B4GALNT1: variants seen among roughly 807,000 people sequenced by gnomAD.
B4GALNT1 encodes beta-1,4-N-acetyl-galactosaminyltransferase 1, also known as beta-1,4 N-acetylgalactosaminyltransferase 1.
In B4GALNT1, 43 loss-of-function variants were observed where a neutral mutation model predicts 55.2. The ratio of observed to expected loss-of-function variants is 0.78; its 90% CI spans 0.61 to 1.00. The LOEUF is 1.00. Ranked by LOEUF, B4GALNT1 falls within the 50% of genes least tolerant of loss-of-function variation. B4GALNT1 has a pLI of 0.00. For synonymous variants in B4GALNT1, 305 were observed against 311.6 expected (o/e 0.98, Z 0.22); for missense variants, 664 against 729.7 (o/e 0.91, Z 1.04).
intron 9 of B4GALNT1, 36 bp from the exon 10 acceptor site, chr12:57,627,894 G>A (rs1481200892): frequency 6.5e-7 from 1 of 1,533,870 alleles, no homozygotes; most frequent in Non-Finnish European, 8.8e-7. Flanking sequence ...AGGCGGGCCT[G>A]GGATAGGGGA....
chr12:57,625,281 C>T lies in B4GALNT1; in HGVS notation c.*1463G>A. 1.2e-6 allele frequency: 2 copies of T among 1,614,038 alleles called. No homozygotes were observed. Among genetic ancestry groups the T allele is most frequent in the Non-Finnish European group, 1.7e-6 (2 of 1,179,992 alleles). ...GTGGTCCTAGACTTCAGTGGTGTCACCTTTGCAGATGCTGCTGGGGCCAGA... is the reference window on the plus strand; with the variant it reads ...GTGGTCCTAGACTTCAGTGGTGTCATCTTTGCAGATGCTGCTGGGGCCAGA... On this transcript the variant is annotated 3_prime_UTR_variant, in exon 11 of 11. Coordinates refer to ENST00000341156, the MANE Select transcript of B4GALNT1 (RefSeq NM_001478.5).
At chr12:57,629,999 C>T in intron 6 of B4GALNT1, 153 bp downstream of exon 6, 2 of 1,546,794 alleles carry the variant, frequency 1.3e-6, no homozygotes, top group East Asian at 4.8e-5. Flanking sequence ...CTCCCTCTGG[C>T]CCTGCTGGTC....
chr12:57,628,336 C>T (rs2140244951), intron 8 of B4GALNT1, 74 bp from the exon 9 acceptor site: 1 of 1,593,206 alleles, frequency 6.3e-7, no homozygotes, highest in Non-Finnish European at 8.6e-7. Flanking sequence ...TCTTTCTCTC[C>T]CCCGACCCTT....
Position 57,629,033 on chromosome 12 carries a change from C to A in B4GALNT1, c.811+15G>T. ...AAGGCTGGTTCTAATATGTCCCTGC[C>A]CCTACCAGCCTCACCTCCCTGGGGT... On this transcript the variant is annotated intron_variant, in intron 7 of 10. Transcript: ENST00000341156. The A allele has an allele frequency of 3.8e-6, 6 of 1,583,714 alleles. No homozygotes were observed. The highest frequency in any genetic ancestry group is 4.3e-6 in the Non-Finnish European group (5 of 1,160,398).
intron 3 of B4GALNT1, 32 bp downstream of exon 3, chr12:57,631,168 T>G (rs769594372): frequency 6.2e-7 from 1 of 1,613,796 alleles, no homozygotes; most frequent in Non-Finnish European, 8.5e-7. Flanking sequence ...GCTCTCCCCC[T>G]GAGGAGTCAT....
Position 57,625,106 on chromosome 12 carries a change from C to T in B4GALNT1, c.*1638G>A. ...TGCTGTGTTTCGGGAGTGGTGACTG[C>T]CCTTCTTTACTTATAGGAGACTTCA... is the stretch of plus-strand genomic sequence containing the variant. On this transcript the variant is annotated 3_prime_UTR_variant, in exon 11 of 11. Coordinates refer to ENST00000341156, the MANE Select transcript of B4GALNT1 (RefSeq NM_001478.5). The T allele has an allele frequency of 6.2e-7, 1 of 1,614,012 alleles. No individual in the cohort carries two copies. The highest frequency in any genetic ancestry group is 8.5e-7 in the Non-Finnish European group (1 of 1,179,944).
In B4GALNT1 at chr12:57,624,191, A is replaced by T. The variant is rs1884648507; in HGVS notation, c.*2553T>A. ...ACCAAACCTAATTGTCCTGGTCTTAAGTTCTGCAACCCACCCACTCCCCCA... is the reference window on the plus strand; with the variant it reads ...ACCAAACCTAATTGTCCTGGTCTTATGTTCTGCAACCCACCCACTCCCCCA... On this transcript the variant is annotated 3_prime_UTR_variant, in exon 11 of 11. Transcript: ENST00000341156. 8.0e-7 allele frequency: 1 copy of T among 1,254,000 alleles called. No individual in the cohort carries two copies. Among genetic ancestry groups the T allele is most frequent in the Non-Finnish European group, 1.1e-6 (1 of 885,550 alleles). 77.7% of individuals were successfully genotyped at this position (1,254,000 alleles called of 1,614,324 possible). A position where few individuals can be genotyped will look rare whatever the true frequency, so the allele number is the denominator to read the frequency against.
intron 3 of B4GALNT1, 36 bp from the exon 4 acceptor site, chr12:57,631,122 G>A (rs373846522): frequency 1.1e-5 from 17 of 1,607,418 alleles, no homozygotes; most frequent in African/African-American, 4.0e-5. Context: ...GAGCAGAGTC[G>A]GGGGGAGAGG....
rs1412332967 is a variant in B4GALNT1 at position 57,629,257 on chromosome 12, G to C, written c.713-111C>G. 24 of 864,456 alleles carry C rather than the reference G, an allele frequency of 2.8e-5. No homozygotes were observed. The South Asian group carries it at 4.5e-4, about 16-fold the overall frequency. The allele number at this position is 864,456 out of a possible 1,614,324, so 53.5% of individuals were successfully genotyped here. A position where few individuals can be genotyped will look rare whatever the true frequency, so the allele number is the denominator to read the frequency against. ...TGTCCCACCTTTCTAGGCCTTGGTG[G>C]ACAAGAACAGAAGGTTCTTACCTTT... On this transcript the variant is annotated intron_variant, in intron 6 of 10. Coordinates refer to ENST00000341156, the MANE Select transcript of B4GALNT1 (RefSeq NM_001478.5).
rs1266539493 is a variant in B4GALNT1, at chr12:57,624,773, C to A, written c.*1971G>T. The stretch of plus-strand genomic sequence containing the variant: ...GGCTGAGGGGACAGAGCTCTACAGA[C>A]CACTCAGAGGAAGCCCCAGGGTGGG... On this transcript the variant is annotated 3_prime_UTR_variant, in exon 11 of 11. Coordinates refer to ENST00000341156, the MANE Select transcript of B4GALNT1 (RefSeq NM_001478.5). 3 of 1,149,882 alleles carry A rather than the reference C, an allele frequency of 2.6e-6. No homozygotes were observed. The highest frequency in any genetic ancestry group is 1.7e-5 in the Admixed American group (1 of 59,426). The allele number at this position is 1,149,882 out of a possible 1,614,324, so 71.2% of individuals were successfully genotyped here.
In B4GALNT1 at chr12:57,624,116, C is replaced by G. The variant is rs751844698; in HGVS notation, c.*2628G>C. ...TGGACTTTGTGAGAAATGCCATTAC[C>G]CCCAGATTGCCCCCTCTCATCTTGT... is the stretch of plus-strand genomic sequence containing the variant. On this transcript the variant is annotated 3_prime_UTR_variant, in exon 11 of 11. Transcript: ENST00000341156. 6.2e-7 allele frequency: 1 copy of G among 1,610,328 alleles called. No individual in the cohort carries two copies. The highest frequency in any genetic ancestry group is 1.3e-5 in the African/African-American group (1 of 74,702).
In B4GALNT1 at chr12:57,629,229, CTG is replaced by C. The variant is rs35287199; in HGVS notation, c.713-85_713-84del. Reference sequence around the variant, plus strand: ...GCCAATCAATATTTAAGTGCCTACTCTGTGTCCCACCTTTCTAGGCCTTGGTG... The same window carrying C: ...GCCAATCAATATTTAAGTGCCTACTCTGTCCCACCTTTCTAGGCCTTGGTG... On this transcript the variant is annotated intron_variant, in intron 6 of 10. Transcript: ENST00000341156. The C allele has an allele frequency of 0.22, 257,047 of 1,155,526 alleles. 30,298 individuals are homozygous for C. The highest frequency in any genetic ancestry group is 0.29 in the African/African-American group (18,403 of 64,202). 71.6% of individuals were successfully genotyped at this position (1,155,526 alleles called of 1,614,324 possible). A position where few individuals can be genotyped will look rare whatever the true frequency, so the allele number is the denominator to read the frequency against.
intron 8 of B4GALNT1, 193 bp downstream of exon 8, chr12:57,628,520 A>C: frequency 1.2e-6 from 1 of 827,080 alleles, no homozygotes; most frequent in African/African-American, 1.7e-5. Context: ...ATTAGGCACT[A>C]AGCACCATTC....
In B4GALNT1 at chr12:57,623,656, T is replaced by A. The variant is rs1053293221; in HGVS notation, c.*3088A>T. On this transcript the variant is annotated 3_prime_UTR_variant, in exon 11 of 11. Coordinates refer to ENST00000341156, the MANE Select transcript of B4GALNT1 (RefSeq NM_001478.5). ...GGTGAATAATGGGCATTTAATTAAT[T>A]GGGGGGAGCGGGAGGGTTAGATGTG... is the stretch of plus-strand genomic sequence containing the variant. 12 of 588,574 alleles carry A rather than the reference T, an allele frequency of 2.0e-5. No individual in the cohort carries two copies. The African/African-American group carries it at 2.2e-4, about 11-fold the overall frequency. 36.5% of individuals were successfully genotyped at this position (588,574 alleles called of 1,614,324 possible).
rs1459460007 is a variant in B4GALNT1, at chr12:57,628,723, G to C, written c.992C>G (p.Pro331Arg). Residue 331 changes from proline (P) to arginine (R), a missense_variant, in exon 8 of 11, where the codon CCC (proline) becomes CGC (arginine). Transcript: ENST00000341156. ...SGPYVEHYLM[P>R]FGKGWFAGRN... Reference sequence around the variant, plus strand: ...CTGCTAGCTGCACACCTTGCCGAAGGGCATGAGATAGTGTTCCACGTAGGG... The same window carrying C: ...CTGCTAGCTGCACACCTTGCCGAAGCGCATGAGATAGTGTTCCACGTAGGG... 1.9e-6 allele frequency: 3 copies of C among 1,614,190 alleles called. No homozygotes were observed. Among genetic ancestry groups the C allele is most frequent in the Non-Finnish European group, 2.5e-6 (3 of 1,180,036 alleles).
chr12:57,632,300 C>T (rs1319473185), intron 1 of B4GALNT1, 167 bp from the exon 2 acceptor site: 7 of 737,172 alleles, frequency 9.5e-6, no homozygotes, highest in South Asian at 4.5e-5. Context: ...TTCCCGGTAC[C>T]CCTCCCCTCA....
At chr12:57,627,930 C>T (rs932603404) in intron 9 of B4GALNT1, 72 bp from the exon 10 acceptor site, 4 of 1,477,090 alleles carry the variant, frequency 2.7e-6, no homozygotes, top group Admixed American at 2.3e-5. Flanking sequence ...GTCTGCGCTC[C>T]GGTGCCTTCG....
rs1884589231 is a variant in B4GALNT1 at position 57,623,428 on chromosome 12, T to G, written c.*3316A>C. ...ATAAAATAAACTTAAGAGATAAAAT[T>G]CTTATTTTTTTCACACAATGACATT... On this transcript the variant is annotated 3_prime_UTR_variant, in exon 11 of 11. Transcript: ENST00000341156. 1 of 473,580 alleles carries G rather than the reference T, an allele frequency of 2.1e-6. No homozygotes were observed. The highest frequency in any genetic ancestry group is 3.7e-5 in the East Asian group (1 of 27,384). The allele number at this position is 473,580 out of a possible 1,614,324, so 29.3% of individuals were successfully genotyped here.
In B4GALNT1 at chr12:57,631,952, C is replaced by A; in HGVS notation, c.181G>T (p.Ala61Ser). 6.9e-7 allele frequency: 1 copy of A among 1,452,924 alleles called. No homozygotes were observed. The allele number at this position is 1,452,924 out of a possible 1,614,324, so 90.0% of individuals were successfully genotyped here. The change falls in exon 2 of 11, where the codon GCA becomes TCA. Residue 61 changes from alanine (A) to serine (S), a missense_variant. Physicochemically the swap from Ala to Ser is moderately conservative, Grantham distance 99. Coordinates refer to ENST00000341156, the MANE Select transcript of B4GALNT1 (RefSeq NM_001478.5). Reference sequence around the variant, plus strand: ...TCCTTGATCCTGACCGGGATGTGTGCGTAGCGGGGCTCAGGAGCAAGATCT... The same window carrying A: ...TCCTTGATCCTGACCGGGATGTGTGAGTAGCGGGGCTCAGGAGCAAGATCT... ...LPDLAPEPRY[A>S]HIPVRIKEQV...
Sources: allele counts gnomAD v4.1 joint callset, GRCh38; gene constraint gnomAD v4.1.1; transcripts MANE v1.5; gene names NCBI Gene and HGNC (gene_info 2026-07-23, HGNC 2026-07-21).